The following ATF7 variants were observed in gnomAD, a reference collection of about 807,000 sequenced individuals.
ATF7 encodes the protein cyclic AMP-dependent transcription factor ATF-7.
In ATF7, 10 loss-of-function variants were observed where a neutral mutation model predicts 50.4. The observed-to-expected ratio is 0.20, with a 90% CI of 0.12 to 0.34. The LOEUF (loss-of-function observed/expected upper bound fraction) is 0.34. ATF7 is among the 10% of genes least tolerant of loss of function. ATF7 has a pLI of 1.00. For missense variants in ATF7, 465 were observed against 613.9 expected (o/e 0.76, Z 2.56); for synonymous variants, 201 against 226.4 (o/e 0.89, Z 1.01).
intron 2 of ATF7, among the ~76,000 whole-genome samples, chr12:53,576,732 C>T (rs1484483687): frequency 1.3e-5 from 2 of 152,012 alleles, no homozygotes; most frequent in East Asian, 1.9e-4. Context: ...AAACAAGAAA[C>T]GCTACAGATA....
chr12:53,622,652 CA>C (rs11348452), intron 1 of ATF7, among the ~76,000 whole-genome samples: 20,857 of 97,138 alleles, frequency 0.21, 1,532 homozygotes, highest in Admixed American at 0.31. Context: ...AATTGCGTCT[CA>C]AAAAAAAAAA....
rs777853201 is a variant in ATF7 at position 53,524,776 on chromosome 12, G to A, written c.928-15C>T. On this transcript the variant is annotated splice_polypyrimidine_tract_variant and intron_variant, in intron 9 of 11. Transcript: ENST00000420353. This position sits in a 1 kb window ranked among gnomAD's most constrained non-coding sequence, Gnocchi z 4.6. ...GCTGGTGAGACCTGGTGCCCAGGAAGGAAGAGAGGTTACTTGATGGGAACA... is the reference window on the plus strand; with the variant it reads ...GCTGGTGAGACCTGGTGCCCAGGAAAGAAGAGAGGTTACTTGATGGGAACA... The A allele has an allele frequency of 2.6e-5, 41 of 1,573,990 alleles. No individual in the cohort carries two copies. The highest frequency in any genetic ancestry group is 3.4e-5 in the Non-Finnish European group (39 of 1,159,646).
chr12:53,597,282 C>G (rs1943203164), intron 2 of ATF7, among the ~76,000 whole-genome samples: 1 of 152,002 alleles, frequency 6.6e-6, no homozygotes, highest in Non-Finnish European at 1.5e-5. Context: ...CCAAAAATAA[C>G]AGCCATTAAA....
intron 3 of ATF7, among the ~76,000 whole-genome samples, chr12:53,549,890 G>A (rs556180846): frequency 3.2e-4 from 48 of 152,072 alleles, no homozygotes; most frequent in Non-Finnish European, 5.9e-4. Context: ...GGCTAATTTT[G>A]TATTTTTAGT....
intron 11 of ATF7, among the ~76,000 whole-genome samples, chr12:53,522,216 T>A (rs1219763996): frequency 6.6e-6 from 1 of 152,218 alleles, no homozygotes; most frequent in Non-Finnish European, 1.5e-5. Flanking sequence ...CAATGTATCA[T>A]CTGTGGTTTA....
chr12:53,549,005 G>A (rs7969195), intron 3 of ATF7, among the ~76,000 whole-genome samples: 19,740 of 149,472 alleles, frequency 0.13, 1,376 homozygotes, highest in Middle Eastern at 0.17. Flanking sequence ...CCCCCAAAAC[G>A]GCCGGGCACA....
intron 1 of ATF7, among the ~76,000 whole-genome samples, chr12:53,615,374 ACT>A (rs1252535130): frequency 1.3e-5 from 2 of 151,996 alleles, no homozygotes; most frequent in Non-Finnish European, 2.9e-5. Flanking sequence ...ACAGAGCGAG[ACT>A]CTGTCTCAAA....
At chr12:53,597,832 T>C (rs959166129) in intron 2 of ATF7, among the ~76,000 whole-genome samples, 8 of 150,564 alleles carry the variant, frequency 5.3e-5, no homozygotes, top group African/African-American at 2.0e-4. Flanking sequence ...AAAAATAGTA[T>C]CCTGAGTTAT....
intron 5 of ATF7, among the ~76,000 whole-genome samples, chr12:53,535,923 C>T (rs1263303841): frequency 6.6e-6 from 1 of 151,898 alleles, no homozygotes; most frequent in Non-Finnish European, 1.5e-5. Context: ...GAGGCTGAAG[C>T]AAGAGAATTG....
chr12:53,616,641 C>A (rs1944129752), intron 1 of ATF7, among the ~76,000 whole-genome samples: 1 of 151,864 alleles, frequency 6.6e-6, no homozygotes, highest in South Asian at 2.1e-4. Context: ...TTAAAATTGC[C>A]AAAAGATGAG....
At chr12:53,548,732 C>T (rs1467784583) in intron 3 of ATF7, among the ~76,000 whole-genome samples, 3 of 152,188 alleles carry the variant, frequency 2.0e-5, no homozygotes, top group Admixed American at 6.5e-5. Context: ...TCACGCCTCC[C>T]AGCACTTTGG....
At chr12:53,557,602 C>T (rs1940832262) in intron 2 of ATF7, among the ~76,000 whole-genome samples, 1 of 152,190 alleles carries the variant, frequency 6.6e-6, no homozygotes, top group Non-Finnish European at 1.5e-5. Flanking sequence ...AACACACTTG[C>T]CCTCACTGTA....
intron 1 of ATF7, among the ~76,000 whole-genome samples, chr12:53,616,881 AT>A (rs1182535289): frequency 5.0e-5 from 7 of 140,538 alleles, no homozygotes; most frequent in Non-Finnish European, 9.3e-5. Flanking sequence ...GGAGGCGGAG[AT>A]TGCAGTGAGC....
chr12:53,571,086 A>C (rs1172601467), intron 2 of ATF7, among the ~76,000 whole-genome samples: 2 of 152,182 alleles, frequency 1.3e-5, no homozygotes, highest in Non-Finnish European at 2.9e-5. Context: ...GCGTCCTTCT[A>C]AGACAGCAGC....
chr12:53,587,828 T>C (rs1162445014), intron 2 of ATF7, among the ~76,000 whole-genome samples: 3 of 42,194 alleles, frequency 7.1e-5, no homozygotes, highest in Non-Finnish European at 1.1e-4. Flanking sequence ...TACATATATA[T>C]ATATATATAT....
At chr12:53,598,095 A>G (rs182721930) in intron 2 of ATF7, among the ~76,000 whole-genome samples, 1 of 152,334 alleles carries the variant, frequency 6.6e-6, no homozygotes, top group African/African-American at 2.4e-5. Flanking sequence ...ATATTAAGGA[A>G]GTTGGATGAC....
chr12:53,616,193 T>A (rs2365344), intron 1 of ATF7, among the ~76,000 whole-genome samples: 24,205 of 152,048 alleles, frequency 0.16, 1,989 homozygotes, highest in East Asian at 0.25. Flanking sequence ...ATGAAATGAC[T>A]TTCTAAGCTA....
At chr12:53,591,064 C>T (rs1942918283) in intron 2 of ATF7, among the ~76,000 whole-genome samples, 2 of 152,068 alleles carry the variant, frequency 1.3e-5, no homozygotes, top group South Asian at 2.1e-4. Flanking sequence ...ACAATTGTAA[C>T]AAATATAGCA....
chr12:53,532,898 G>A (rs1422691811), intron 7 of ATF7, among the ~76,000 whole-genome samples: 3 of 152,174 alleles, frequency 2.0e-5, no homozygotes, highest in Admixed American at 6.6e-5. Context: ...GAGGTGCTAC[G>A]TGCCAAGTGA....
Sources: allele counts gnomAD v4.1 joint callset (sites outside exome capture counted in the v4.1 genomes callset), GRCh38; gene constraint gnomAD v4.1.1; non-coding constraint Gnocchi (gnomAD v3.1); transcripts MANE v1.5; gene names NCBI Gene and HGNC (gene_info 2026-07-23, HGNC 2026-07-21).